ACCSL: variants seen among roughly 807,000 people sequenced by gnomAD.
ACCSL encodes probable inactive 1-aminocyclopropane-1-carboxylate synthase-like protein 2.
ACCSL carries 55 observed loss-of-function variants against 61.7 expected under a neutral mutation model. The observed-to-expected ratio is 0.89, with a 90% CI of 0.72 to 1.12. The LOEUF (loss-of-function observed/expected upper bound fraction) is 1.12. ACCSL is among the 50% of genes most tolerant of loss of function. The pLI, the probability that ACCSL is intolerant of heterozygous loss-of-function variation, is 0.00. For synonymous variants in ACCSL, 258 were observed against 264.3 expected (o/e 0.98, Z 0.23); for missense variants, 632 against 698.0 (o/e 0.91, Z 1.07).
chr11:43,992,556 G>C, the ACCSL span, among the ~76,000 whole-genome samples: 69 of 152,314 alleles, frequency 4.5e-4, 1 homozygote, highest in East Asian at 0.013. Flanking sequence ...CCAGAGCCTA[G>C]CACTGGCTTG....
At chr11:44,002,090 G>A in the ACCSL span, among the ~76,000 whole-genome samples, 1 of 151,978 alleles carries the variant, frequency 6.6e-6, no homozygotes, top group East Asian at 1.9e-4. Context: ...TTTCATCTGT[G>A]GACAAGGAGG....
At chr11:43,937,840 C>T in the ACCSL span, among the ~76,000 whole-genome samples, 20,323 of 152,224 alleles carry the variant, frequency 0.13, 1,842 homozygotes, top group Middle Eastern at 0.29. Context: ...CTCCTGTAAT[C>T]GTTACAGGGG....
the ACCSL span, among the ~76,000 whole-genome samples, chr11:44,038,914 T>G: frequency 1.3e-5 from 2 of 152,178 alleles, no homozygotes. Flanking sequence ...ATTTGCAGTC[T>G]CTGTAAGGTG....
At chr11:43,976,169 G>C in the ACCSL span, among the ~76,000 whole-genome samples, 2 of 152,292 alleles carry the variant, frequency 1.3e-5, no homozygotes, top group East Asian at 1.9e-4. Context: ...TAGATGATGA[G>C]ATTCTGAACT....
chr11:44,006,095 C>A, the ACCSL span, among the ~76,000 whole-genome samples: 1 of 152,190 alleles, frequency 6.6e-6, no homozygotes, highest in African/African-American at 2.4e-5. Context: ...GACTACTTCT[C>A]CTGGATCCCA....
the ACCSL span, among the ~76,000 whole-genome samples, chr11:43,978,167 G>A: frequency 8.6e-5 from 13 of 151,836 alleles, no homozygotes; most frequent in South Asian, 6.3e-4. Context: ...CTGCCACCAC[G>A]CCCAACTAAT....
At chr11:44,006,728 C>T in the ACCSL span, among the ~76,000 whole-genome samples, 1 of 152,026 alleles carries the variant, frequency 6.6e-6, no homozygotes, top group East Asian at 1.9e-4. Context: ...TGGTCTCGAA[C>T]TCCTGACCTC....
chr11:44,034,216 G>T, the ACCSL span, among the ~76,000 whole-genome samples: 1 of 152,202 alleles, frequency 6.6e-6, no homozygotes, highest in African/African-American at 2.4e-5. Context: ...GGGACTGTGG[G>T]TCTTCATGAG....
chr11:44,017,487 G>A, the ACCSL span, among the ~76,000 whole-genome samples: 6 of 152,326 alleles, frequency 3.9e-5, no homozygotes, highest in East Asian at 1.2e-3. Flanking sequence ...GCAGGAACAG[G>A]CAAGAGTAGC....
At chr11:44,023,041 C>CTTTTTTTTTT in the ACCSL span, among the ~76,000 whole-genome samples, 11 of 86,450 alleles carry the variant, frequency 1.3e-4, no homozygotes, top group South Asian at 4.8e-4. Context: ...TCTTCTTCTT[C>CTTTTTTTTTT]TTTTTTTTTT....
chr11:44,013,738 A>C, the ACCSL span, among the ~76,000 whole-genome samples: 8 of 85,336 alleles, frequency 9.4e-5, no homozygotes, highest in South Asian at 1.8e-3. Context: ...CCACCCTGCA[A>C]ACCTAGTTTA....
the ACCSL span, among the ~76,000 whole-genome samples, chr11:43,977,420 G>A: frequency 7.5e-6 from 1 of 132,990 alleles, no homozygotes; most frequent in Non-Finnish European, 1.8e-5. Context: ...ATGGCATGGT[G>A]AGAAAGAACT....
chr11:44,045,710 G>A (rs896127929), upstream of ACCSL, among the ~76,000 whole-genome samples: 6 of 152,138 alleles, frequency 3.9e-5, no homozygotes, highest in African/African-American at 1.4e-4. Context: ...TGGGACTTTG[G>A]TAACAGCAAG....
At chr11:43,946,463 A>G in the ACCSL span, among the ~76,000 whole-genome samples, 1 of 152,190 alleles carries the variant, frequency 6.6e-6, no homozygotes, top group East Asian at 1.9e-4. Flanking sequence ...TTATTATAAT[A>G]CAAAACAAGT....
the ACCSL span, among the ~76,000 whole-genome samples, chr11:44,024,788 A>C: frequency 1.3e-5 from 2 of 152,194 alleles, no homozygotes; most frequent in African/African-American, 4.8e-5. Flanking sequence ...GTGAGGTATT[A>C]AAGTTTCTGT....
At chr11:43,982,885 G>GGGTACCGCA in the ACCSL span, among the ~76,000 whole-genome samples, 11 of 152,360 alleles carry the variant, frequency 7.2e-5, no homozygotes, top group African/African-American at 2.6e-4. Context: ...AGTGGTCAGA[G>GGGTACCGCA]GAGCGGTGGG....
At chr11:43,942,788 T>G in the ACCSL span, 1 of 634,216 alleles carries the variant, frequency 1.6e-6, no homozygotes, top group African/African-American at 2.0e-5. Flanking sequence ...CGCAGCAGAT[T>G]TGGATCCCCC....
the ACCSL span, among the ~76,000 whole-genome samples, chr11:44,008,937 TGTGCAGATCATCTGAGGCCAGGA>T: frequency 6.6e-6 from 1 of 152,178 alleles, no homozygotes; most frequent in Admixed American, 6.5e-5. Context: ...GAGGCCAAGG[TGTGCAGATCATCTGAGGCCAGGA>T]GTTTGAGACC....
the ACCSL span, among the ~76,000 whole-genome samples, chr11:43,982,722 G>A: frequency 3.3e-5 from 5 of 152,148 alleles, no homozygotes; most frequent in Admixed American, 6.5e-5. Context: ...CTCTGGTCCC[G>A]ACTGAGCCAT....
Sources: gnomAD v4.1 joint callset for allele counts (sites outside exome capture counted in the v4.1 genomes callset) on GRCh38, gnomAD v4.1.1 for gene constraint, MANE v1.5 for transcripts, NCBI Gene and HGNC (gene_info 2026-07-23, HGNC 2026-07-21) for gene names.